DENND4A: variants seen among roughly 807,000 people sequenced by gnomAD.
The protein encoded by DENND4A is C-myc promoter-binding protein.
Under a neutral mutation model 199.3 loss-of-function variants are expected in DENND4A, and 70 were observed. The observed-to-expected ratio is 0.35, with a 90% confidence interval of 0.29 to 0.43. The LOEUF (loss-of-function observed/expected upper bound fraction) is 0.43, where lower values mean the gene tolerates loss of function less well. DENND4A is among the 20% of genes least tolerant of loss of function. The probability of loss-of-function intolerance (pLI) is 1.00; values close to 1 mark genes in which losing one functional copy is unlikely to be tolerated. For missense variants in DENND4A, 1,723 were observed against 2,255.8 expected, an observed-to-expected ratio of 0.76 and a Z score of 4.78; for synonymous variants, 686 against 766.9, an observed-to-expected ratio of 0.89 and a Z score of 1.74.
chr15:65,743,891 T>C (rs539388602), intron 4 of DENND4A, among the ~76,000 whole-genome samples: 54 of 152,272 alleles, frequency 3.5e-4, no homozygotes, highest in African/African-American at 1.1e-3. Flanking sequence ...TGGGTCCTTT[T>C]AGGCTGTTTT....
rs942521906 is a variant in DENND4A, at chr15:65,771,557, T to C, written c.-101-10119A>G. The C allele has an allele frequency of 4.3e-6, 7 of 1,612,480 alleles. No individual in the cohort carries two copies. The South Asian group carries it at 7.7e-5, about 18-fold the overall frequency. On this transcript the variant is annotated intron_variant, in intron 1 of 32. Coordinates refer to ENST00000443035, the MANE Select transcript of DENND4A (RefSeq NM_001320835.1). ...GATCAATACAATTATGGGCATCAGC[T>C]GGATAAACACAGAAAAACCTCCATC...
chr15:65,715,437 C>T, intron 14 of DENND4A, 41 bp downstream of exon 14: 2 of 1,547,198 alleles, frequency 1.3e-6, no homozygotes, highest in Non-Finnish European at 1.7e-6. Context: ...ATAACAGTCA[C>T]ACAAAATAAG....
At chr15:65,714,279 G>A (rs2075330169) in intron 14 of DENND4A, among the ~76,000 whole-genome samples, 1 of 151,982 alleles carries the variant, frequency 6.6e-6, no homozygotes, top group Non-Finnish European at 1.5e-5. Context: ...CGGGCATGGT[G>A]GCGGGTGCCT....
At chr15:65,787,569 C>A (rs1450951233) in intron 1 of DENND4A, among the ~76,000 whole-genome samples, 1 of 152,138 alleles carries the variant, frequency 6.6e-6, no homozygotes, top group Non-Finnish European at 1.5e-5. Flanking sequence ...AATATATACC[C>A]AGCCCTTCTA....
At chr15:65,701,293 G>T in intron 18 of DENND4A, 101 bp from the exon 19 acceptor site, 1 of 1,038,882 alleles carries the variant, frequency 9.6e-7, no homozygotes, top group Non-Finnish European at 1.3e-6. Flanking sequence ...TAGGCCAGGA[G>T]TGGTGGCTCA....
At chr15:65,709,255 T>C (rs767582497) in intron 14 of DENND4A, among the ~76,000 whole-genome samples, 44 of 152,342 alleles carry the variant, frequency 2.9e-4, no homozygotes, top group Non-Finnish European at 4.7e-4. Flanking sequence ...TGCAGATGAA[T>C]AGTAAGCACT....
intron 23 of DENND4A, among the ~76,000 whole-genome samples, chr15:65,682,903 C>A (rs1394677455): frequency 1.3e-5 from 2 of 152,120 alleles, no homozygotes; most frequent in African/African-American, 4.8e-5. Context: ...AGAAATTACA[C>A]AACATTTATC....
chr15:65,696,889 A>C (rs1348684347), intron 21 of DENND4A: 5 of 330,058 alleles, frequency 1.5e-5, no homozygotes, highest in Non-Finnish European at 3.0e-5. Context: ...CACATCTCAC[A>C]AACATGGATG....
Position 65,746,453 on chromosome 15 carries a change from C to CTCG in DENND4A, c.562-4672_562-4670dup, listed in dbSNP as rs2076400649. On this transcript the variant is annotated intron_variant, in intron 4 of 32. Coordinates refer to ENST00000443035, the MANE Select transcript of DENND4A (RefSeq NM_001320835.1). Reference sequence around the variant, plus strand: ...GCAGACTGTAGTGCAGTGGCATGATCTCGGCTCACTGCAACCTCTGCCTCC... The same window carrying CTCG: ...GCAGACTGTAGTGCAGTGGCATGATCTCGTCGGCTCACTGCAACCTCTGCCTCC... 8.0e-5 allele frequency among the ~76,000 whole-genome samples: 10 copies of CTCG among 124,416 alleles called. No individual in the cohort carries two copies. The South Asian group carries it at 2.7e-3, about 34-fold the overall frequency. 81.6% of individuals were successfully genotyped at this position (124,416 alleles called of 152,430 possible).
At chr15:65,715,650 G>A (rs2075374304) in intron 13 of DENND4A, 27 bp from the exon 14 acceptor site, 2 of 1,514,704 alleles carry the variant, frequency 1.3e-6, no homozygotes, top group African/African-American at 1.4e-5. Context: ...TATAATGTCA[G>A]AATACATAAT....
At chr15:65,788,536 AT>A in intron 1 of DENND4A, among the ~76,000 whole-genome samples, 1 of 152,256 alleles carries the variant, frequency 6.6e-6, no homozygotes, top group African/African-American at 2.4e-5. Context: ...ATTTTCTCCT[AT>A]GACCCTTGAA....
intron 4 of DENND4A, among the ~76,000 whole-genome samples, chr15:65,746,774 T>C (rs954880537): frequency 6.6e-6 from 1 of 151,476 alleles, no homozygotes; most frequent in African/African-American, 2.4e-5. Flanking sequence ...ATTTAAAAAA[T>C]ACCCTTAAGG....
chr15:65,734,809 T>C (rs1400622675), intron 7 of DENND4A, among the ~76,000 whole-genome samples: 1 of 152,214 alleles, frequency 6.6e-6, no homozygotes, highest in Non-Finnish European at 1.5e-5. Flanking sequence ...AATAGTATGA[T>C]GTTGGCCAGG....
rs1416190750 is a variant in DENND4A at position 65,775,605 on chromosome 15, C to T, written c.-101-14167G>A. On this transcript the variant is annotated intron_variant, in intron 1 of 32. Coordinates refer to ENST00000443035, the MANE Select transcript of DENND4A (RefSeq NM_001320835.1). ...GCAGTGAGCCAAGATCATGCCACTG[C>T]ACTCCAGCCTGGGTGACAGTGCAAG... 5.5e-5 allele frequency among the ~76,000 whole-genome samples: 7 copies of T among 126,630 alleles called. No homozygotes were observed. In the East Asian group the frequency reaches 2.0e-3, roughly 35 times the overall value. 83.1% of individuals were successfully genotyped at this position (126,630 alleles called of 152,430 possible). A position where few individuals can be genotyped will look rare whatever the true frequency, so the allele number is the denominator to read the frequency against.
At chr15:65,673,468 C>A in intron 24 of DENND4A, among the ~76,000 whole-genome samples, 1 of 148,598 alleles carries the variant, frequency 6.7e-6, no homozygotes, top group African/African-American at 2.5e-5. Flanking sequence ...GAGACTGTCT[C>A]AAAATAAATG....
chr15:65,782,815 T>C (rs985777362), intron 1 of DENND4A, among the ~76,000 whole-genome samples: 1 of 152,226 alleles, frequency 6.6e-6, no homozygotes, highest in Non-Finnish European at 1.5e-5. Flanking sequence ...GTAATCTTAA[T>C]GCTCTATCAA....
intron 9 of DENND4A, among the ~76,000 whole-genome samples, chr15:65,730,874 C>A (rs1199117777): frequency 1.3e-5 from 2 of 152,040 alleles, no homozygotes; most frequent in Admixed American, 6.5e-5. Context: ...GGGTGAATTA[C>A]ATGATATGTG....
chr15:65,771,597 CTCTT>C (rs1398635211), intron 1 of DENND4A: 2 of 1,612,658 alleles, frequency 1.2e-6, no homozygotes, highest in African/African-American at 2.7e-5. Flanking sequence ...CTTTCCTCTT[CTCTT>C]TCATGTCCAC....
intron 23 of DENND4A, among the ~76,000 whole-genome samples, chr15:65,687,030 AG>A (rs1170086195): frequency 6.6e-6 from 1 of 152,124 alleles, no homozygotes; most frequent in African/African-American, 2.4e-5. Context: ...TGAGGTGTTT[AG>A]ATTGTTATCA....
Sources: allele counts gnomAD v4.1 joint callset (sites outside exome capture counted in the v4.1 genomes callset), GRCh38; gene constraint gnomAD v4.1.1; transcripts MANE v1.5; gene names NCBI Gene and HGNC (gene_info 2026-07-23, HGNC 2026-07-21).